The following PDE4D variants were observed in gnomAD, a reference collection of about 807,000 sequenced individuals.
The protein encoded by PDE4D is phosphodiesterase 4D.
A neutral mutation model predicts 87.4 loss-of-function variants in PDE4D; 24 were observed. That is an observed-to-expected ratio of 0.27 (90% CI 0.20 to 0.39). The LOEUF is 0.39. PDE4D is among the 10% of genes least tolerant of loss of function. PDE4D has a pLI of 1.00. For missense variants in PDE4D, 714 were observed against 1,041.0 expected, an observed-to-expected ratio of 0.69 and a Z score of 4.32; for synonymous variants, 384 against 383.2, an observed-to-expected ratio of 1.00 and a Z score of -0.02.
intron 1 of PDE4D, among the ~76,000 whole-genome samples, chr5:60,266,541 T>C (rs755788714): frequency 4.6e-5 from 7 of 152,308 alleles, no homozygotes; most frequent in Middle Eastern, 6.8e-3. Flanking sequence ...CCTTGGGCAG[T>C]CTGTGCCTGA....
intron 2 of PDE4D, among the ~76,000 whole-genome samples, chr5:60,139,205 C>T (rs540763016): frequency 1.4e-4 from 22 of 152,048 alleles, no homozygotes; most frequent in African/African-American, 4.1e-4. Flanking sequence ...TAAGCCAAAG[C>T]GGTTCCTAAA....
chr5:59,091,076 A>G, intron 5 of PDE4D: 1 of 452,826 alleles, frequency 2.2e-6, no homozygotes, highest in Non-Finnish European at 4.4e-6. Flanking sequence ...ATGAAGGAGT[A>G]CTCACTCTCA....
At chr5:60,035,754 G>C (rs555414482) in intron 2 of PDE4D, among the ~76,000 whole-genome samples, 294 of 152,224 alleles carry the variant, frequency 1.9e-3, no homozygotes, top group African/African-American at 6.7e-3. Context: ...TCCTTGGGAG[G>C]CACCCGATGG....
At chr5:59,844,609 T>C (rs1743539125) in intron 1 of PDE4D, among the ~76,000 whole-genome samples, 1 of 152,046 alleles carries the variant, frequency 6.6e-6, no homozygotes, top group African/African-American at 2.4e-5. Context: ...TTCATATATC[T>C]GGTTCTTCCT....
At chr5:60,284,236 G>A (rs1418782565) in intron 1 of PDE4D, among the ~76,000 whole-genome samples, 1 of 152,106 alleles carries the variant, frequency 6.6e-6, no homozygotes, top group Non-Finnish European at 1.5e-5. Flanking sequence ...TCTATTACCT[G>A]ATCTCAAGGA....
At chr5:60,244,155 C>T (rs1409685656) in intron 1 of PDE4D, among the ~76,000 whole-genome samples, 1 of 151,686 alleles carries the variant, frequency 6.6e-6, no homozygotes, top group Admixed American at 6.6e-5. Context: ...TTCTAAATGC[C>T]AAGAGTGAAC....
At position 59,893,277 on chromosome 5, in the gene PDE4D, G is replaced by A. The variant is rs1399550718; in HGVS notation, c.346C>T (p.Leu116=). 6.5e-7 allele frequency: 1 copy of A among 1,548,096 alleles called. No individual in the cohort carries two copies. Among genetic ancestry groups the A allele is most frequent in the Non-Finnish European group, 8.7e-7 (1 of 1,145,688 alleles). The change falls in exon 1 of 15, where the codon CTG becomes TTG. Residue 116 remains leucine, a synonymous_variant. Coordinates refer to ENST00000340635, the MANE Select transcript of PDE4D (RefSeq NM_001104631.2). ...GTGCGGTCCATGGCGCGACAGTACA[G>A]GTAGCGCTCGGTGTCCGAGTAGCCG... ...HRGYSDTERY[L]YCRAMDRTSY...
At chr5:59,065,288 G>T (rs536069956) in intron 5 of PDE4D, among the ~76,000 whole-genome samples, 2 of 152,206 alleles carry the variant, frequency 1.3e-5, no homozygotes, top group South Asian at 4.1e-4. Flanking sequence ...TAGTCAAACT[G>T]ATGGAAGCAG....
intron 1 of PDE4D, among the ~76,000 whole-genome samples, chr5:59,327,530 A>G (rs1775940819): frequency 6.6e-6 from 1 of 152,180 alleles, no homozygotes; most frequent in Admixed American, 6.5e-5. Context: ...AGGCAGGCCC[A>G]AAAATGAAAA....
At chr5:59,122,535 A>G (rs1026089196) in intron 5 of PDE4D, among the ~76,000 whole-genome samples, 1 of 152,200 alleles carries the variant, frequency 6.6e-6, no homozygotes, top group African/African-American at 2.4e-5. Context: ...AAATAGCTAG[A>G]AAGAGGACAC....
At chr5:60,328,514 A>C (rs1757011578) in intron 1 of PDE4D, among the ~76,000 whole-genome samples, 1 of 152,222 alleles carries the variant, frequency 6.6e-6, no homozygotes, top group Non-Finnish European at 1.5e-5. Flanking sequence ...TCATTGCTGT[A>C]TAATATTTCA....
chr5:58,984,561 CATACA>C (rs1745975066), intron 11 of PDE4D, among the ~76,000 whole-genome samples: 2 of 152,144 alleles, frequency 1.3e-5, no homozygotes. Context: ...TAAAATTCTA[CATACA>C]ATCTACTAGT....
chr5:59,228,879 T>C (rs1454155603), intron 1 of PDE4D, among the ~76,000 whole-genome samples: 1 of 152,134 alleles, frequency 6.6e-6, no homozygotes, highest in Non-Finnish European at 1.5e-5. Context: ...CCCAGGGCCT[T>C]TGGATTTGCA....
At chr5:59,342,631 A>G (rs1437221226) in intron 1 of PDE4D, among the ~76,000 whole-genome samples, 2 of 152,174 alleles carry the variant, frequency 1.3e-5, no homozygotes, top group African/African-American at 4.8e-5. Context: ...AGCTGAATCA[A>G]CTGGGCAAGT....
chr5:59,639,905 C>T (rs529531569), intron 1 of PDE4D, among the ~76,000 whole-genome samples: 2 of 147,916 alleles, frequency 1.4e-5, no homozygotes, highest in Admixed American at 1.4e-4. Flanking sequence ...TGTCCAGTCA[C>T]TGCATTTGAT....
intron 11 of PDE4D, among the ~76,000 whole-genome samples, chr5:58,984,200 G>C (rs1745886819): frequency 6.6e-6 from 1 of 152,188 alleles, no homozygotes; most frequent in African/African-American, 2.4e-5. Context: ...GGAAGTGGTG[G>C]TTTTAACTTA....
At chr5:59,418,659 G>GT (rs1325318298) in intron 1 of PDE4D, among the ~76,000 whole-genome samples, 2 of 149,456 alleles carry the variant, frequency 1.3e-5, no homozygotes, top group African/African-American at 5.0e-5. Context: ...TTTTTTTTTT[G>GT]TTTTTTTGAG....
At chr5:60,140,431 T>C (rs1780424991) in intron 2 of PDE4D, among the ~76,000 whole-genome samples, 2 of 151,904 alleles carry the variant, frequency 1.3e-5, no homozygotes, top group South Asian at 4.1e-4. Context: ...AGAAATGAGA[T>C]GACTAGGACT....
At chr5:59,071,670 T>C (rs1764826881) in intron 5 of PDE4D, among the ~76,000 whole-genome samples, 1 of 145,796 alleles carries the variant, frequency 6.9e-6, no homozygotes, top group Non-Finnish European at 1.5e-5. Flanking sequence ...ATCTGTACTT[T>C]TTTATTTCTC....
Sources: gnomAD v4.1 joint callset for allele counts (sites outside exome capture counted in the v4.1 genomes callset) on GRCh38, gnomAD v4.1.1 for gene constraint, MANE v1.5 for transcripts, NCBI Gene and HGNC (gene_info 2026-07-23, HGNC 2026-07-21) for gene names.